Variants in PIEZO2 observed in about 807,000 individuals in gnomAD.
PIEZO2 encodes piezo type mechanosensitive ion channel component 2.
Under a neutral mutation model 337.3 loss-of-function variants are expected in PIEZO2, and 172 were observed. That is an observed-to-expected ratio of 0.51 (90% CI 0.45 to 0.58). The LOEUF (loss-of-function observed/expected upper bound fraction) is 0.58. Ranked by LOEUF, PIEZO2 falls within the 20% of genes least tolerant of loss-of-function variation. The pLI is 0.00. For missense variants in PIEZO2, 3,028 were observed against 3,391.3 expected, an observed-to-expected ratio of 0.89 and a Z score of 2.66; for synonymous variants, 1,251 against 1,228.5, an observed-to-expected ratio of 1.02 and a Z score of -0.38.
chr18:10,955,595 C>A (rs2033482180), intron 3 of PIEZO2, among the ~76,000 whole-genome samples: 1 of 152,196 alleles, frequency 6.6e-6, no homozygotes, highest in Non-Finnish European at 1.5e-5. Flanking sequence ...AAGATATCTG[C>A]TGAAACAGGA....
intron 3 of PIEZO2, among the ~76,000 whole-genome samples, chr18:10,957,783 T>C (rs2033605454): frequency 6.6e-6 from 1 of 152,220 alleles, no homozygotes; most frequent in Non-Finnish European, 1.5e-5. Context: ...AAGGAGCTAA[T>C]ATCCAAAATA....
Position 10,809,260 on chromosome 18 carries a change from C to CTTTTTTTTTTTTTTT in PIEZO2, c.918-2001_918-1987dup, listed in dbSNP as rs869210659. ...ACCTAAGATTTCTCTCTCTCTCTCT[C>CTTTTTTTTTTTTTTT]TTTTTTTTTTTTTTTTTTTTTTTTT... On this transcript the variant is annotated intron_variant, in intron 7 of 55. Transcript: ENST00000674853. Among the ~76,000 whole-genome samples, 9 of 65,834 alleles carry CTTTTTTTTTTTTTTT rather than the reference C, an allele frequency of 1.4e-4. 1 individual carries two copies. Among genetic ancestry groups the CTTTTTTTTTTTTTTT allele is most frequent in the African/African-American group, 5.3e-4 (9 of 17,000 alleles). The allele number at this position is 65,834 out of a possible 152,430, so 43.2% of individuals were successfully genotyped here.
At chr18:10,919,398 C>G (rs767512819) in intron 3 of PIEZO2, among the ~76,000 whole-genome samples, 19 of 152,064 alleles carry the variant, frequency 1.2e-4, no homozygotes, top group Admixed American at 2.6e-4. Context: ...TTTGTTGTCC[C>G]AGTAAGTGCA....
At chr18:10,917,098 G>A (rs1189331598) in intron 3 of PIEZO2, among the ~76,000 whole-genome samples, 1 of 140,800 alleles carries the variant, frequency 7.1e-6, no homozygotes, top group Non-Finnish European at 1.5e-5. Flanking sequence ...AAGTACAGGG[G>A]GAGTTCGTTC....
intron 31 of PIEZO2, among the ~76,000 whole-genome samples, chr18:10,743,751 T>C (rs1454841961): frequency 6.6e-6 from 1 of 152,194 alleles, no homozygotes; most frequent in East Asian, 1.9e-4. Flanking sequence ...CAAGACCTTG[T>C]GTCATTCATT....
Position 10,800,436 on chromosome 18 carries a change from G to C in PIEZO2, c.1279C>G (p.His427Asp), listed in dbSNP as rs2039770562. The change falls in exon 11 of 56, where the codon CAC becomes GAC. Residue 427 changes from histidine to aspartate, a missense_variant. Around this residue, in one of 5 missense-constraint regions of PIEZO2, gnomAD observed 542 missense variants for 605.6 expected, o/e 0.89. Coordinates refer to ENST00000674853, the MANE Select transcript of PIEZO2 (RefSeq NM_001378183.1). Reference sequence around the variant, plus strand: ...ATGGGCAGGCTTGGGTGGATGGTGTGGTAATCCACGGGGTTGCCGTTCACA... The same window carrying C: ...ATGGGCAGGCTTGGGTGGATGGTGTCGTAATCCACGGGGTTGCCGTTCACA... ...VTVNGNPVDY[H>D]TIHPSLPMEN... 3.3e-6 allele frequency: 5 copies of C among 1,535,738 alleles called. No homozygotes were observed. The highest frequency in any genetic ancestry group is 2.6e-6 in the Non-Finnish European group (3 of 1,146,280).
chr18:10,902,215 G>A (rs918311655), intron 4 of PIEZO2, among the ~76,000 whole-genome samples: 1 of 152,174 alleles, frequency 6.6e-6, no homozygotes, highest in Non-Finnish European at 1.5e-5. Context: ...ACCCCCATCC[G>A]TGGAAAAATT....
Position 11,127,446 on chromosome 18 carries a change from T to C in PIEZO2, c.64+21079A>G, listed in dbSNP as rs1054905212. 6.6e-6 allele frequency among the ~76,000 whole-genome samples: 1 copy of C among 152,042 alleles called. No individual in the cohort carries two copies. Among genetic ancestry groups the C allele is most frequent in the African/African-American group, 2.4e-5 (1 of 41,376 alleles). On this transcript the variant is annotated intron_variant, in intron 1 of 55. Transcript: ENST00000674853. This position sits in a 1 kb window ranked among gnomAD's most constrained non-coding sequence, Gnocchi z 4.5. ...CTGGGGAAGGCAGACCCACCCTTAATCTGGTGGGCACAATCTAATCAGCGA... is the reference window on the plus strand; with the variant it reads ...CTGGGGAAGGCAGACCCACCCTTAACCTGGTGGGCACAATCTAATCAGCGA...
chr18:10,809,878 G>C (rs2040133236), intron 7 of PIEZO2, among the ~76,000 whole-genome samples: 1 of 152,126 alleles, frequency 6.6e-6, no homozygotes, highest in Non-Finnish European at 1.5e-5. Context: ...GGGTGGTGGG[G>C]ATGGGTACTC....
At chr18:11,040,459 A>G (rs1164242903) in intron 2 of PIEZO2, among the ~76,000 whole-genome samples, 1 of 152,234 alleles carries the variant, frequency 6.6e-6, no homozygotes, top group African/African-American at 2.4e-5. Flanking sequence ...ACTATTGATA[A>G]GTAAAGCAAT....
rs1301880642 is a variant in PIEZO2 at position 10,855,346 on chromosome 18, C to T, written c.917+7G>A. 4.6e-6 allele frequency: 7 copies of T among 1,527,900 alleles called. No homozygotes were observed. The Admixed American group carries it at 1.2e-4, about 26-fold the overall frequency. 94.6% of individuals were successfully genotyped at this position (1,527,900 alleles called of 1,614,324 possible). ...TCTCCTGGAAATGCCATAAGGATTT[C>T]TCTTACCTTGCATAGTAGTCATTGG... On this transcript the variant is annotated splice_region_variant and intron_variant, in intron 7 of 55. Transcript: ENST00000674853. The surrounding 1 kb of genome is among the most constrained non-coding windows in gnomAD (Gnocchi z 4.9).
chr18:10,893,752 C>T (rs891783860), intron 4 of PIEZO2: 5 of 152,054 alleles, frequency 3.3e-5, no homozygotes, highest in Admixed American at 2.6e-4. Flanking sequence ...TTGGTGGGAC[C>T]GAATGTTCAG....
intron 1 of PIEZO2, among the ~76,000 whole-genome samples, chr18:11,086,236 C>G (rs1341976234): frequency 6.6e-6 from 1 of 152,088 alleles, no homozygotes; most frequent in South Asian, 2.1e-4. Flanking sequence ...AATCTCAAAA[C>G]AGGGCCGGGC....
rs937577848 is a variant in PIEZO2 at position 11,069,608 on chromosome 18, C to T, written c.65-3386G>A. Among the ~76,000 whole-genome samples, 2 of 152,092 alleles carry T rather than the reference C, an allele frequency of 1.3e-5. No homozygotes were observed. Among genetic ancestry groups the T allele is most frequent in the Admixed American group, 1.3e-4 (2 of 15,266 alleles). Reference sequence around the variant, plus strand: ...ACAATTTAAAGCTTTTCTTTTAAGACCAGAATCAAGACAAGGATGCCTACT... The same window carrying T: ...ACAATTTAAAGCTTTTCTTTTAAGATCAGAATCAAGACAAGGATGCCTACT... On this transcript the variant is annotated intron_variant, in intron 1 of 55. Transcript: ENST00000674853. The surrounding 1 kb of genome is among the most constrained non-coding windows in gnomAD (Gnocchi z 4.9).
rs149711642 is a variant in PIEZO2 at position 10,769,352 on chromosome 18, G to A, written c.2946+796C>T. On this transcript the variant is annotated intron_variant, in intron 21 of 55. Transcript: ENST00000674853. ...TTCATATGGTTTGTATGAAATGGGG[G>A]AGAAGTTCTAGTTTAGACTATGGAG... 3.3e-3 allele frequency among the ~76,000 whole-genome samples: 509 copies of A among 152,350 alleles called. 2 individuals are homozygous for A. The highest frequency in any genetic ancestry group is 0.012 in the African/African-American group (483 of 41,588).
intron 3 of PIEZO2, among the ~76,000 whole-genome samples, chr18:10,959,908 G>A (rs2033693472): frequency 6.6e-6 from 1 of 152,156 alleles, no homozygotes; most frequent in Admixed American, 6.5e-5. Context: ...GAAAGAAATA[G>A]AGACAGCTCT....
Position 10,973,965 on chromosome 18 carries a change from G to C in PIEZO2, c.286+5570C>G, listed in dbSNP as rs1385416823. On this transcript the variant is annotated intron_variant, in intron 3 of 55. Transcript: ENST00000674853. This position sits in a 1 kb window ranked among gnomAD's most constrained non-coding sequence, Gnocchi z 4.9. ...ATTTGTATGAGGATGGATCCACCAG[G>C]TGATTCTGCAGATCTAGGGTCCATC... Among the ~76,000 whole-genome samples the C allele has an allele frequency of 6.6e-6, 1 of 152,166 alleles. No homozygotes were observed. The highest frequency in any genetic ancestry group is 6.5e-5 in the Admixed American group (1 of 15,270).
intron 7 of PIEZO2, among the ~76,000 whole-genome samples, chr18:10,811,694 A>T (rs2040195331): frequency 6.6e-6 from 1 of 152,220 alleles, no homozygotes; most frequent in South Asian, 2.1e-4. Flanking sequence ...TATTTACCTA[A>T]AGTGTATCTT....
chr18:10,972,021 G>A (rs1219787084), intron 3 of PIEZO2, among the ~76,000 whole-genome samples: 2 of 151,992 alleles, frequency 1.3e-5, no homozygotes, highest in South Asian at 2.1e-4. Context: ...AGCTGGGTGC[G>A]GTGGCTCACA....
Sources: gnomAD v4.1 joint callset for allele counts (sites outside exome capture counted in the v4.1 genomes callset) on GRCh38, gnomAD v4.1.1 for gene constraint, gnomAD v4.1.1 regional missense constraint, Gnocchi (gnomAD v3.1) non-coding constraint, MANE v1.5 for transcripts, NCBI Gene and HGNC (gene_info 2026-07-23, HGNC 2026-07-21) for gene names.